The following WIPF3 variants were observed in gnomAD, a reference collection of about 807,000 sequenced individuals.
WIPF3 encodes the protein WAS/WASL-interacting protein family member 3.
A neutral mutation model predicts 38.9 loss-of-function variants in WIPF3; 33 were observed. That is an observed-to-expected ratio of 0.85 (90% CI 0.64 to 1.14). The LOEUF (loss-of-function observed/expected upper bound fraction) is 1.14, where lower values mean the gene tolerates loss of function less well. Among genes scored for constraint, WIPF3 ranks in the 50% most tolerant of loss-of-function variants. The pLI, the probability that WIPF3 is intolerant of heterozygous loss-of-function variation, is 0.00. For synonymous variants in WIPF3, 324 were observed against 269.3 expected (o/e 1.20, Z -1.99); for missense variants, 711 against 652.5 (o/e 1.09, Z -0.98).
chr7:29,875,195 T>A (rs542667888), intron 2 of WIPF3, among the ~76,000 whole-genome samples: 61 of 152,222 alleles, frequency 4.0e-4, no homozygotes, highest in African/African-American at 1.4e-3. Flanking sequence ...TCCCCAGTTC[T>A]CCCCTATGCT....
chr7:29,835,730 C>T (rs1352176049), intron 2 of WIPF3, among the ~76,000 whole-genome samples: 1 of 152,234 alleles, frequency 6.6e-6, no homozygotes, highest in Non-Finnish European at 1.5e-5. Flanking sequence ...GGGCGTCTCG[C>T]ATCCGCTCCG....
intron 8 of WIPF3, among the ~76,000 whole-genome samples, chr7:29,907,874 T>C (rs1008642569): frequency 1.3e-4 from 20 of 151,902 alleles, no homozygotes; most frequent in Non-Finnish European, 2.9e-4. Context: ...ATAGAATATA[T>C]ACAAAAGGAA....
intron 2 of WIPF3, among the ~76,000 whole-genome samples, chr7:29,843,925 A>G (rs1202695604): frequency 6.6e-6 from 1 of 151,902 alleles, no homozygotes; most frequent in African/African-American, 2.4e-5. Context: ...CTCCACATCT[A>G]GTGGTGCTGG....
At chr7:29,885,754 TG>T (rs1785862564) in intron 5 of WIPF3, among the ~76,000 whole-genome samples, 1 of 152,192 alleles carries the variant, frequency 6.6e-6, no homozygotes, top group African/African-American at 2.4e-5. Flanking sequence ...TGTTCAAGGC[TG>T]TGGGGAGCTA....
chr7:29,871,094 G>A (rs1439184108), intron 2 of WIPF3, among the ~76,000 whole-genome samples: 1 of 152,172 alleles, frequency 6.6e-6, no homozygotes, highest in Non-Finnish European at 1.5e-5. Context: ...CCTCATTCTA[G>A]AACAACTTGA....
At chr7:29,867,074 C>A (rs932017820) in intron 2 of WIPF3, among the ~76,000 whole-genome samples, 4 of 152,354 alleles carry the variant, frequency 2.6e-5, no homozygotes, top group South Asian at 4.1e-4. Context: ...ACATGCAAAG[C>A]AGTTGGGACA....
In WIPF3 at chr7:29,884,365, G is replaced by GCCCCCC; in HGVS notation, c.875_876insCCCCCC (p.Pro294_Pro295dup). The GCCCCCC allele has an allele frequency of 1.2e-5, 7 of 573,286 alleles. No individual in the cohort carries two copies. Among genetic ancestry groups the GCCCCCC allele is most frequent in the Non-Finnish European group, 6.8e-6 (3 of 438,912 alleles). The allele number at this position is 573,286 out of a possible 1,614,324, so 35.5% of individuals were successfully genotyped here. A position where few individuals can be genotyped will look rare whatever the true frequency, so the allele number is the denominator to read the frequency against. On this transcript the variant is annotated inframe_insertion, in exon 5 of 9. Transcript: ENST00000242140. ...TGCGCAAGATGCGCAGGAGCCTCCC[G>GCCCCCC]CCCCGCCGCCCCCGCTCCCCCCTTA... is the stretch of plus-strand genomic sequence containing the variant.
At chr7:29,849,309 A>G (rs1290609998) in intron 2 of WIPF3, among the ~76,000 whole-genome samples, 2 of 152,174 alleles carry the variant, frequency 1.3e-5, no homozygotes, top group African/African-American at 4.8e-5. Context: ...GGGACTTGCC[A>G]TCATAATCTT....
At chr7:29,876,887 T>C (rs1281873186) in intron 3 of WIPF3, among the ~76,000 whole-genome samples, 2 of 152,104 alleles carry the variant, frequency 1.3e-5, no homozygotes, top group African/African-American at 4.8e-5. Flanking sequence ...TCGGGGAGCC[T>C]CTTTGAGGAT....
At position 29,834,764 on chromosome 7, in the gene WIPF3, C is replaced by T. The variant is rs1446624903; in HGVS notation, c.40C>T (p.Pro14Ser). Reference sequence around the variant, plus strand: ...GCCACCCCCACCTCCTCTGCCTCCACCTCCCCCGCCTCTGGGGGCTCCTCC... The same window carrying T: ...GCCACCCCCACCTCCTCTGCCTCCATCTCCCCCGCCTCTGGGGGCTCCTCC... ...PPPPPPPLPP[P>S]PPPLGAPPPP... Residue 14 changes from proline (P) to serine (S), a missense_variant, in exon 2 of 9, where the codon CCT (proline) becomes TCT (serine). Coordinates refer to ENST00000242140, the MANE Select transcript of WIPF3 (RefSeq NM_001080529.3). 6.8e-7 allele frequency: 1 copy of T among 1,473,944 alleles called. No homozygotes were observed. Among genetic ancestry groups the T allele is most frequent in the South Asian group, 1.4e-5 (1 of 73,262 alleles). 91.3% of individuals were successfully genotyped at this position (1,473,944 alleles called of 1,614,324 possible). A position where few individuals can be genotyped will look rare whatever the true frequency, so the allele number is the denominator to read the frequency against.
At chr7:29,866,903 T>G (rs1452691444) in intron 2 of WIPF3, among the ~76,000 whole-genome samples, 1 of 152,258 alleles carries the variant, frequency 6.6e-6, no homozygotes, top group African/African-American at 2.4e-5. Flanking sequence ...GGCTGTGTTG[T>G]GATGAAGAAA....
intron 3 of WIPF3, 65 bp downstream of exon 3, chr7:29,876,027 CAG>C: frequency 6.3e-7 from 1 of 1,585,432 alleles, no homozygotes; most frequent in Non-Finnish European, 8.6e-7. Context: ...GAGGCACAGC[CAG>C]ACACCCCTGG....
chr7:29,834,356 T>C (rs1465063307), intron 1 of WIPF3, among the ~76,000 whole-genome samples: 2 of 152,112 alleles, frequency 1.3e-5, no homozygotes, highest in Non-Finnish European at 2.9e-5. Flanking sequence ...AAAATTATTA[T>C]GGAATGAAGG....
At position 29,865,883 on chromosome 7, in the gene WIPF3, G is replaced by A. The variant is rs906434420; in HGVS notation, c.91-9947G>A. ...TGTAAGACAAGGAAGTCTAGGCTGG[G>A]CATGGTGGCTCACGTCTGTAATCCT... On this transcript the variant is annotated intron_variant, in intron 2 of 8. Transcript: ENST00000242140. Among the ~76,000 whole-genome samples, 6 of 152,200 alleles carry A rather than the reference G, an allele frequency of 3.9e-5. No individual in the cohort carries two copies. In the East Asian group the frequency reaches 5.8e-4, roughly 15 times the overall value.
chr7:29,834,512 G>A (rs1784767768), intron 1 of WIPF3, among the ~76,000 whole-genome samples, 156 bp from the exon 2 acceptor site: 1 of 152,156 alleles, frequency 6.6e-6, no homozygotes, highest in Admixed American at 6.5e-5. Flanking sequence ...TTGCCTCAGA[G>A]TGGGCACTCT....
intron 2 of WIPF3, among the ~76,000 whole-genome samples, chr7:29,857,649 C>T (rs1785207178): frequency 6.6e-6 from 1 of 152,192 alleles, no homozygotes; most frequent in Non-Finnish European, 1.5e-5. Context: ...ATTCTCCCAC[C>T]TCCTACCCAG....
At chr7:29,837,582 C>T (rs1034944672) in intron 2 of WIPF3, among the ~76,000 whole-genome samples, 32 of 152,128 alleles carry the variant, frequency 2.1e-4, no homozygotes, top group Admixed American at 8.5e-4. Flanking sequence ...TTCTCTCTCT[C>T]TTTCTCTTTC....
At chr7:29,833,676 A>G (rs1439635819) in intron 1 of WIPF3, among the ~76,000 whole-genome samples, 3 of 152,228 alleles carry the variant, frequency 2.0e-5, no homozygotes, top group Non-Finnish European at 2.9e-5. Context: ...CAGGATTTTA[A>G]AGATGAAAAA....
rs138119046 is a variant in WIPF3, at chr7:29,809,764, C to G, written c.-58+3086C>G. 4.3e-3 allele frequency among the ~76,000 whole-genome samples: 660 copies of G among 152,306 alleles called. 4 individuals carry two copies. The highest frequency in any genetic ancestry group is 6.6e-3 in the Non-Finnish European group (447 of 68,028). On this transcript the variant is annotated intron_variant, in intron 1 of 8. Transcript: ENST00000242140. ...GAATTGTGTAGTGAACTGCGGTGTTCAAGTGCCAAGGAGGTAAACTAAAGC... is the reference window on the plus strand; with the variant it reads ...GAATTGTGTAGTGAACTGCGGTGTTGAAGTGCCAAGGAGGTAAACTAAAGC...
Sources: gnomAD v4.1 joint callset for allele counts (sites outside exome capture counted in the v4.1 genomes callset) on GRCh38, gnomAD v4.1.1 for gene constraint, MANE v1.5 for transcripts, NCBI Gene and HGNC (gene_info 2026-07-23, HGNC 2026-07-21) for gene names.